Variants in PKHD1 observed in about 807,000 individuals in gnomAD.
The protein encoded by PKHD1 is PKHD1 ciliary IPT domain containing fibrocystin/polyductin.
Under a neutral mutation model 412.0 loss-of-function variants are expected in PKHD1, and 291 were observed. That is an observed-to-expected ratio of 0.71 (90% CI 0.64 to 0.78). The LOEUF (loss-of-function observed/expected upper bound fraction) is 0.78, where lower values mean the gene tolerates loss of function less well. PKHD1 is among the 30% of genes least tolerant of loss of function. PKHD1 has a pLI of 0.00. For synonymous variants in PKHD1, 1,777 were observed against 1,821.5 expected (o/e 0.98, Z 0.62); for missense variants, 4,825 against 4,950.7 (o/e 0.97, Z 0.76).
chr6:51,715,556 C>T (rs1359756788), intron 60 of PKHD1, among the ~76,000 whole-genome samples: 1 of 152,198 alleles, frequency 6.6e-6, no homozygotes, highest in Non-Finnish European at 1.5e-5. Context: ...GAAACACACA[C>T]TAGAGCCTTT....
At chr6:52,076,241 C>G (rs1811311819) in intron 6 of PKHD1, 35 bp downstream of exon 6, 1 of 1,476,452 alleles carries the variant, frequency 6.8e-7, no homozygotes, top group African/African-American at 1.4e-5. Context: ...CAAACAGATT[C>G]ACAATTATTC....
chr6:52,022,814 A>G lies in PKHD1; in HGVS notation c.5367T>C (p.Val1789=). ...NATVSAFSCL[V]LPLDVSLAFL... is the part of the protein sequence containing the mutation. ...ATCTTTACTCACCATCCAGGGGCAG[A>G]ACCAAGCAGCTGAAGGCAGACACTG... is the stretch of plus-strand genomic sequence containing the variant. The change falls in exon 33 of 67, where the codon GTT becomes GTC. Residue 1789 remains valine (V), a synonymous_variant. Coordinates refer to ENST00000371117, the MANE Select transcript of PKHD1 (RefSeq NM_138694.4). The G allele has an allele frequency of 1.2e-6, 2 of 1,614,126 alleles. No individual in the cohort carries two copies. Among genetic ancestry groups the G allele is most frequent in the Non-Finnish European group, 1.7e-6 (2 of 1,180,018 alleles).
At position 52,055,586 on chromosome 6, in the gene PKHD1, C is replaced by A; in HGVS notation, c.1836+1G>T. 1 of 1,613,958 alleles carries A rather than the reference C, an allele frequency of 6.2e-7. No homozygotes were observed. The highest frequency in any genetic ancestry group is 8.5e-7 in the Non-Finnish European group (1 of 1,179,882). Reference sequence around the variant, plus strand: ...CCAGAAGCACAAAGACTGCTACTCACGTGTGTATACTGATCTAGCCGATAG... The same window carrying A: ...CCAGAAGCACAAAGACTGCTACTCAAGTGTGTATACTGATCTAGCCGATAG... On this transcript the variant is annotated splice_donor_variant, in intron 19 of 66. Transcript: ENST00000371117. LOFTEE classifies it high-confidence loss of function.
chr6:51,738,899 T>G (rs920049662), intron 60 of PKHD1, among the ~76,000 whole-genome samples: 2 of 151,978 alleles, frequency 1.3e-5, no homozygotes, highest in African/African-American at 4.8e-5. Flanking sequence ...CTATTTCAAA[T>G]AGCAATTCGC....
chr6:52,079,665 A>T (rs1811771604), intron 5 of PKHD1, among the ~76,000 whole-genome samples: 1 of 152,182 alleles, frequency 6.6e-6, no homozygotes. Context: ...CTACCCCATA[A>T]AATTGTGAGC....
intron 35 of PKHD1, among the ~76,000 whole-genome samples, chr6:51,983,205 A>G (rs886576536): frequency 6.6e-6 from 1 of 152,196 alleles, no homozygotes; most frequent in Non-Finnish European, 1.5e-5. Context: ...GTTAAACAAA[A>G]TTTTTTTAAA....
rs1042786261 is a variant in PKHD1, at chr6:51,618,356, T to C, written c.*725A>G. The C allele has an allele frequency of 1.3e-5, 2 of 152,280 alleles. No individual in the cohort carries two copies. Among genetic ancestry groups the C allele is most frequent in the Non-Finnish European group, 2.9e-5 (2 of 68,142 alleles). The allele number at this position is 152,280 out of a possible 1,614,324, so 9.4% of individuals were successfully genotyped here. On this transcript the variant is annotated 3_prime_UTR_variant, in exon 67 of 67. Transcript: ENST00000371117. The stretch of plus-strand genomic sequence containing the variant: ...TCACTGAAAAATAGAACAGTGGTCA[T>C]ACAAAATTTCCTTTCCCAAATTTGG...
intron 52 of PKHD1, among the ~76,000 whole-genome samples, chr6:51,791,590 A>C (rs4715233): frequency 6.6e-6 from 1 of 152,016 alleles, no homozygotes; most frequent in South Asian, 2.1e-4. Flanking sequence ...AACATACCAC[A>C]TTCATGGACA....
At chr6:51,933,604 T>C (rs568767812) in intron 37 of PKHD1, among the ~76,000 whole-genome samples, 143 of 152,368 alleles carry the variant, frequency 9.4e-4, no homozygotes, top group Non-Finnish European at 1.7e-3. Flanking sequence ...ATGAGAGCAG[T>C]AGGTCAGCTG....
chr6:51,654,573 A>ACT (rs1364110874), intron 61 of PKHD1, among the ~76,000 whole-genome samples: 2 of 151,996 alleles, frequency 1.3e-5, no homozygotes, highest in East Asian at 3.9e-4. Context: ...TGGACTTAGA[A>ACT]CTTTTCTGGA....
intron 13 of PKHD1, among the ~76,000 whole-genome samples, chr6:52,064,739 T>G (rs1809244170): frequency 6.6e-6 from 1 of 151,644 alleles, no homozygotes; most frequent in African/African-American, 2.4e-5. Flanking sequence ...GCCATACAGC[T>G]GGCTGGAGCT....
Position 51,616,981 on chromosome 6 carries a change from T to G in PKHD1, c.*2100A>C. 6.5e-6 allele frequency: 2 copies of G among 308,516 alleles called. No homozygotes were observed. The highest frequency in any genetic ancestry group is 1.2e-5 in the Non-Finnish European group (2 of 169,544). The allele number at this position is 308,516 out of a possible 1,614,324, so 19.1% of individuals were successfully genotyped here. A position where few individuals can be genotyped will look rare whatever the true frequency, so the allele number is the denominator to read the frequency against. On this transcript the variant is annotated 3_prime_UTR_variant, in exon 67 of 67. Transcript: ENST00000371117. ...AAAAACACAAGGAGAAGTAGGTTTTTGGGCTGTGTTAACTTCATAGTAACT... is the reference window on the plus strand; with the variant it reads ...AAAAACACAAGGAGAAGTAGGTTTTGGGGCTGTGTTAACTTCATAGTAACT...
At chr6:51,883,289 T>G in intron 45 of PKHD1, 62 bp from the exon 46 acceptor site, 1 of 1,423,014 alleles carries the variant, frequency 7.0e-7, no homozygotes, top group Non-Finnish European at 9.9e-7. Flanking sequence ...GGACTTCCTG[T>G]AGCTTTTAAA....
intron 28 of PKHD1, among the ~76,000 whole-genome samples, 161 bp from the exon 29 acceptor site, chr6:52,033,326 C>T (rs1803366698): frequency 6.6e-6 from 1 of 152,162 alleles, no homozygotes; most frequent in African/African-American, 2.4e-5. Flanking sequence ...TTCTCTACAA[C>T]CCTGCACACT....
intron 52 of PKHD1, among the ~76,000 whole-genome samples, chr6:51,803,173 A>G (rs1206208639): frequency 2.6e-5 from 4 of 151,396 alleles, no homozygotes; most frequent in African/African-American, 4.9e-5. Context: ...GTACAAAATA[A>G]CTTCTGTAGA....
chr6:51,927,663 G>A (rs1246332929), intron 37 of PKHD1, among the ~76,000 whole-genome samples: 1 of 152,194 alleles, frequency 6.6e-6, no homozygotes, highest in East Asian at 1.9e-4. Flanking sequence ...TCTTTTCCCA[G>A]GTGGAATGTC....
intron 55 of PKHD1, among the ~76,000 whole-genome samples, chr6:51,762,162 C>T (rs1788123166): frequency 6.6e-6 from 1 of 152,052 alleles, no homozygotes. Context: ...TTCCTCATCA[C>T]CACCACCAAT....
intron 36 of PKHD1, among the ~76,000 whole-genome samples, chr6:51,952,314 T>G (rs1276143099): frequency 6.6e-6 from 1 of 152,160 alleles, no homozygotes; most frequent in African/African-American, 2.4e-5. Context: ...CCACTAACAT[T>G]TGAGGGTACC....
chr6:51,627,141 A>T, intron 65 of PKHD1, 25 bp from the exon 66 acceptor site: 1 of 1,609,430 alleles, frequency 6.2e-7, no homozygotes, highest in East Asian at 2.2e-5. Flanking sequence ...AAGAAAAAGG[A>T]TTTTTTTGTT....
Sources: gnomAD v4.1 joint callset for allele counts (sites outside exome capture counted in the v4.1 genomes callset) on GRCh38, gnomAD v4.1.1 for gene constraint, MANE v1.5 for transcripts, NCBI Gene and HGNC (gene_info 2026-07-23, HGNC 2026-07-21) for gene names.